Variants in BIRC6 observed in about 807,000 individuals in gnomAD.
BIRC6 encodes dual E2 ubiquitin-conjugating enzyme/E3 ubiquitin-protein ligase BIRC6.
A neutral mutation model predicts 503.3 loss-of-function variants in BIRC6; 98 were observed. The ratio of observed to expected loss-of-function variants is 0.19; its 90% confidence interval spans 0.17 to 0.23. The LOEUF (loss-of-function observed/expected upper bound fraction) is 0.23. BIRC6 is among the 10% of genes least tolerant of loss of function. The pLI is 1.00. For missense variants in BIRC6, 5,360 were observed against 5,806.0 expected (o/e 0.92, Z 2.50); for synonymous variants, 2,240 against 2,078.7 (o/e 1.08, Z -2.11).
chr2:32,513,161 A>G lies in BIRC6; in HGVS notation c.10568+7A>G. On this transcript the variant is annotated splice_region_variant and intron_variant, in intron 54 of 73. Transcript: ENST00000421745. ...TGGACCAAGAGCTCTTTGAGTAAGT[A>G]TGATTTGTGAAATCTTTTTTATCCC... is the stretch of plus-strand genomic sequence containing the variant. 1.2e-6 allele frequency: 2 copies of G among 1,606,202 alleles called. No homozygotes were observed. The highest frequency in any genetic ancestry group is 1.1e-5 in the South Asian group (1 of 90,790).
At chr2:32,605,880 T>C (rs989505930) in intron 71 of BIRC6, among the ~76,000 whole-genome samples, 1 of 152,048 alleles carries the variant, frequency 6.6e-6, no homozygotes, top group African/African-American at 2.4e-5. Context: ...AAATAAAAAT[T>C]AAAAATATGA....
intron 59 of BIRC6, 97 bp downstream of exon 59, chr2:32,525,725 C>A: frequency 1.6e-6 from 2 of 1,235,694 alleles, no homozygotes; most frequent in Non-Finnish European, 2.2e-6. Flanking sequence ...TAATCAGGTG[C>A]CATTGATGAG....
Position 32,388,926 on chromosome 2 carries a change from A to G in BIRC6, c.822A>G (p.Pro274=). 1.3e-6 allele frequency: 2 copies of G among 1,597,164 alleles called. No individual in the cohort carries two copies. The highest frequency in any genetic ancestry group is 8.5e-7 in the Non-Finnish European group (1 of 1,172,572). Residue 274 remains proline, a synonymous_variant, in exon 4 of 74, where the codon CCA becomes CCG. Coordinates refer to ENST00000421745, the MANE Select transcript of BIRC6 (RefSeq NM_016252.4). ...PSARPELGVG[P]GRSVDRSLMY... is the part of the protein sequence containing the mutation. ...CACGTCCAGAACTCGGAGTGGGGCC[A>G]GGCCGTTCTGTAGACAGGTATGAAC...
At chr2:32,454,763 T>A (rs1171180015) in intron 23 of BIRC6, among the ~76,000 whole-genome samples, 1 of 152,194 alleles carries the variant, frequency 6.6e-6, no homozygotes, top group Non-Finnish European at 1.5e-5. Context: ...CAGGAGGTTT[T>A]AAAAGGAATT....
chr2:32,447,505 G>A (rs1236281344), intron 21 of BIRC6, among the ~76,000 whole-genome samples: 2 of 125,364 alleles, frequency 1.6e-5, no homozygotes, highest in Non-Finnish European at 3.5e-5. Context: ...CCTCCCGGAC[G>A]GGGCGGCTGG....
Position 32,594,262 on chromosome 2 carries a change from A to G in BIRC6, c.13501+202A>G, listed in dbSNP as rs1401021130. The G allele has an allele frequency of 8.8e-6, 4 of 454,656 alleles. No homozygotes were observed. In the East Asian group the frequency reaches 1.1e-4, roughly 12 times the overall value. 28.2% of individuals were successfully genotyped at this position (454,656 alleles called of 1,614,324 possible). The stretch of plus-strand genomic sequence containing the variant: ...TCTAATTTTTAAACATTTCTACTAT[A>G]TATGATTGCTAAATTTAGTAGGCTG... On this transcript the variant is annotated intron_variant, in intron 67 of 73. Coordinates refer to ENST00000421745, the MANE Select transcript of BIRC6 (RefSeq NM_016252.4).
chr2:32,482,351 G>T, intron 38 of BIRC6, 78 bp from the exon 39 acceptor site: 1 of 1,349,684 alleles, frequency 7.4e-7, no homozygotes. Flanking sequence ...AGTTCTGTTT[G>T]GGTTTAGATA....
chr2:32,568,625 C>T (rs921548463), intron 65 of BIRC6, among the ~76,000 whole-genome samples: 1 of 151,938 alleles, frequency 6.6e-6, no homozygotes, highest in South Asian at 2.1e-4. Context: ...CGGGCAGTCA[C>T]TTGAGATCTG....
At chr2:32,481,199 G>GTTTTT in intron 37 of BIRC6, 121 bp from the exon 38 acceptor site, 1 of 690,148 alleles carries the variant, frequency 1.4e-6, no homozygotes, top group Non-Finnish European at 2.2e-6. Context: ...CATACATAGA[G>GTTTTT]TTTTTTTTTT....
intron 10 of BIRC6, among the ~76,000 whole-genome samples, chr2:32,420,903 G>C (rs1489464838): frequency 7.0e-6 from 1 of 143,682 alleles, no homozygotes; most frequent in Non-Finnish European, 1.5e-5. Context: ...TTTTTTTCCT[G>C]CTTCATCTGT....
Position 32,537,076 on chromosome 2 carries a change from G to A in BIRC6, c.12291+5525G>A, listed in dbSNP as rs528617096. On this transcript the variant is annotated intron_variant, in intron 61 of 73. Transcript: ENST00000421745. ...GGCTCTCTGTTTGTCTGTTACTGGTGTATAAGAATGCGTGTGATTTTTACA... is the reference window on the plus strand; with the variant it reads ...GGCTCTCTGTTTGTCTGTTACTGGTATATAAGAATGCGTGTGATTTTTACA... 3.3e-5 allele frequency among the ~76,000 whole-genome samples: 5 copies of A among 152,278 alleles called. No homozygotes were observed. In the South Asian group the frequency reaches 6.2e-4, roughly 19 times the overall value.
Position 32,515,777 on chromosome 2 carries a change from CAAAA to C in BIRC6, c.11349+11_11349+14del. On this transcript the variant is annotated splice_region_variant and intron_variant, in intron 55 of 73. Coordinates refer to ENST00000421745, the MANE Select transcript of BIRC6 (RefSeq NM_016252.4). Reference sequence around the variant, plus strand: ...TCAAAAGCTGATGGCACAGGTAAGACAAAAAAATAACTTACATTTTAGTTGTTTT... The same window carrying C: ...TCAAAAGCTGATGGCACAGGTAAGACAAATAACTTACATTTTAGTTGTTTT... 2 of 1,577,030 alleles carry C rather than the reference CAAAA, an allele frequency of 1.3e-6. No individual in the cohort carries two copies. Among genetic ancestry groups the C allele is most frequent in the South Asian group, 2.3e-5 (2 of 88,508 alleles).
chr2:32,550,172 T>C (rs1354926579), intron 65 of BIRC6, among the ~76,000 whole-genome samples: 1 of 152,206 alleles, frequency 6.6e-6, no homozygotes, highest in Admixed American at 6.5e-5. Flanking sequence ...TTTACTCATA[T>C]TCTTATCTCT....
intron 1 of BIRC6, among the ~76,000 whole-genome samples, chr2:32,369,428 A>ATT (rs554684813): frequency 4.3e-5 from 6 of 139,646 alleles, no homozygotes; most frequent in Admixed American, 1.4e-4. Context: ...GTAGCAATTG[A>ATT]TTTTTTTTTT....
chr2:32,397,752 A>C (rs1244718648), intron 6 of BIRC6, among the ~76,000 whole-genome samples: 1 of 151,886 alleles, frequency 6.6e-6, no homozygotes, highest in Non-Finnish European at 1.5e-5. Flanking sequence ...TTAGGTCCCT[A>C]TGCCAATCCT....
At chr2:32,402,984 A>T (rs930548381) in intron 8 of BIRC6, among the ~76,000 whole-genome samples, 1 of 152,218 alleles carries the variant, frequency 6.6e-6, no homozygotes, top group East Asian at 1.9e-4. Flanking sequence ...ATACTTCTCA[A>T]CATTATATGG....
At chr2:32,602,704 A>G (rs1175801152) in intron 70 of BIRC6, 3 of 294,998 alleles carry the variant, frequency 1.0e-5, no homozygotes, top group Non-Finnish European at 1.9e-5. Context: ...ATGTACAACT[A>G]TGTGCTAATT....
At chr2:32,507,322 C>T (rs1346036562) in intron 50 of BIRC6, among the ~76,000 whole-genome samples, 1 of 152,100 alleles carries the variant, frequency 6.6e-6, no homozygotes, top group East Asian at 1.9e-4. Flanking sequence ...TCCAACTACT[C>T]TGGAGGCTAC....
At chr2:32,414,541 C>G (rs1368718284) in intron 9 of BIRC6, among the ~76,000 whole-genome samples, 2 of 152,000 alleles carry the variant, frequency 1.3e-5, no homozygotes, top group Non-Finnish European at 2.9e-5. Flanking sequence ...GTGGCGTGAG[C>G]TTGTAATCCC....
Sources: allele counts gnomAD v4.1 joint callset (sites outside exome capture counted in the v4.1 genomes callset), GRCh38; gene constraint gnomAD v4.1.1; transcripts MANE v1.5; gene names NCBI Gene and HGNC (gene_info 2026-07-23, HGNC 2026-07-21).